The following SLA2 variants were observed in gnomAD, a reference collection of about 807,000 sequenced individuals.
SLA2 encodes src-like-adapter 2.
SLA2 carries 22 observed loss-of-function variants against 27.3 expected under a neutral mutation model. The observed-to-expected ratio is 0.81, with a 90% CI of 0.58 to 1.15. The LOEUF (loss-of-function observed/expected upper bound fraction) is 1.15. Ranked by LOEUF, SLA2 falls within the 50% of genes most tolerant of loss-of-function variation. The pLI is 0.00. For missense variants in SLA2, 304 were observed against 322.2 expected (o/e 0.94, Z 0.43); for synonymous variants, 131 against 137.8 (o/e 0.95, Z 0.34).
At chr20:36,635,342 C>T (rs1313893942) in intron 2 of SLA2, among the ~76,000 whole-genome samples, 1 of 150,312 alleles carries the variant, frequency 6.7e-6, no homozygotes, top group African/African-American at 2.5e-5. Context: ...CAGCCAGGGT[C>T]AGCAAGAAGG....
At chr20:36,614,280 T>C (rs776524499) in intron 7 of SLA2, 25 bp downstream of exon 7, 2 of 1,614,120 alleles carry the variant, frequency 1.2e-6, no homozygotes, top group South Asian at 1.1e-5. Flanking sequence ...CCTGCTTTCA[T>C]GTTTCCAGGA....
At chr20:36,639,923 A>G (rs2039490450) in intron 2 of SLA2, among the ~76,000 whole-genome samples, 1 of 152,174 alleles carries the variant, frequency 6.6e-6, no homozygotes, top group Non-Finnish European at 1.5e-5. Flanking sequence ...ACTGTCCAAG[A>G]AACTGGGAGT....
chr20:36,617,970 AC>A (rs777821658), intron 5 of SLA2, among the ~76,000 whole-genome samples: 3 of 149,772 alleles, frequency 2.0e-5, no homozygotes, highest in Non-Finnish European at 3.0e-5. Flanking sequence ...ACACGGTGAA[AC>A]CCTGGCTCTA....
Position 36,613,649 on chromosome 20 carries a change from A to G in SLA2, c.*217T>C, listed in dbSNP as rs1419529115. On this transcript the variant is annotated 3_prime_UTR_variant, in exon 8 of 8. Coordinates refer to ENST00000262866, the MANE Select transcript of SLA2 (RefSeq NM_032214.4). ...CTGGTCCCACCTTCTCTGCACTCGC[A>G]CTAGAGGTCGCAGGTGGGATCATGG... 2 of 514,710 alleles carry G rather than the reference A, an allele frequency of 3.9e-6. No individual in the cohort carries two copies. The highest frequency in any genetic ancestry group is 6.8e-5 in the East Asian group (2 of 29,308). 31.9% of individuals were successfully genotyped at this position (514,710 alleles called of 1,614,324 possible). A position where few individuals can be genotyped will look rare whatever the true frequency, so the allele number is the denominator to read the frequency against.
chr20:36,615,683 C>T (rs2039201876), intron 5 of SLA2, among the ~76,000 whole-genome samples: 1 of 152,124 alleles, frequency 6.6e-6, no homozygotes, highest in Non-Finnish European at 1.5e-5. Flanking sequence ...GATGCAAAAA[C>T]ACTGTCAAGA....
chr20:36,639,927 T>TG (rs771631593), intron 2 of SLA2, among the ~76,000 whole-genome samples: 3 of 151,924 alleles, frequency 2.0e-5, no homozygotes, highest in Non-Finnish European at 4.4e-5. Context: ...TCCAAGAAAC[T>TG]GGGAGTTTTA....
intron 6 of SLA2, chr20:36,614,670 G>A (rs1193276738): frequency 1.0e-6 from 1 of 985,314 alleles, no homozygotes; most frequent in Admixed American, 6.2e-5. Context: ...TGGACCTCTT[G>A]AGCTCAAGTT....
At chr20:36,627,662 C>T (rs148580715) in intron 5 of SLA2, among the ~76,000 whole-genome samples, 2 of 152,228 alleles carry the variant, frequency 1.3e-5, no homozygotes, top group African/African-American at 2.4e-5. Context: ...TGTCCCTAAC[C>T]CTGTGCTGAC....
intron 5 of SLA2, among the ~76,000 whole-genome samples, chr20:36,630,216 TC>T (rs1218052020): frequency 8.5e-5 from 13 of 152,112 alleles, no homozygotes; most frequent in African/African-American, 2.4e-4. Flanking sequence ...TGGGCTGGCC[TC>T]CCCAGCCCCT....
At position 36,615,229 on chromosome 20, in the gene SLA2, GT is replaced by G; in HGVS notation, c.527del (p.Tyr176SerfsTer33). The G allele has an allele frequency of 6.2e-7, 1 of 1,614,134 alleles. No homozygotes were observed. Among genetic ancestry groups the G allele is most frequent in the Non-Finnish European group, 8.5e-7 (1 of 1,180,034 alleles). On this transcript the variant is annotated frameshift_variant, in exon 6 of 8. Coordinates refer to ENST00000262866, the MANE Select transcript of SLA2 (RefSeq NM_032214.4). LOFTEE classifies it high-confidence loss of function. ...FPSLQALVDH[Y>X]SELADDICCL... The stretch of plus-strand genomic sequence containing the variant: ...GGAGGCAGGGAAAGGCCATACCAGA[GT>G]AATGGTCCACCAGGGCCTGGAGTGA...
chr20:36,645,042 T>G, intron 1 of SLA2, among the ~76,000 whole-genome samples: 1 of 151,190 alleles, frequency 6.6e-6, no homozygotes. Context: ...GCAGTGGGGG[T>G]AAGAGTGATG....
chr20:36,622,607 T>TC (rs1447506479), intron 5 of SLA2, among the ~76,000 whole-genome samples: 1 of 152,130 alleles, frequency 6.6e-6, no homozygotes, highest in African/African-American at 2.4e-5. Context: ...AATCAAGGTG[T>TC]CAGCAAGGCA....
chr20:36,612,408 A>AGTT lies in SLA2; in HGVS notation c.*1455_*1457dup, dbSNP rs2039147240. The AGTT allele has an allele frequency of 1.6e-6, 1 of 641,794 alleles. No individual in the cohort carries two copies. Among genetic ancestry groups the AGTT allele is most frequent in the African/African-American group, 1.8e-5 (1 of 54,360 alleles). 39.8% of individuals were successfully genotyped at this position (641,794 alleles called of 1,614,324 possible). A position where few individuals can be genotyped will look rare whatever the true frequency, so the allele number is the denominator to read the frequency against. ...TTCCTCGATTCTCCATCGGGTGTAGAGTTTTTAAACTATCAATGGCATTTC... is the reference window on the plus strand; with the variant it reads ...TTCCTCGATTCTCCATCGGGTGTAGAGTTGTTTTTAAACTATCAATGGCATTTC... On this transcript the variant is annotated 3_prime_UTR_variant, in exon 8 of 8. Transcript: ENST00000262866.
At position 36,621,241 on chromosome 20, in the gene SLA2, G is replaced by C. The variant is rs2039279120; in HGVS notation, c.383-5867C>G. 66 of 547,932 alleles carry C rather than the reference G, an allele frequency of 1.2e-4. 1 individual carries two copies. Among genetic ancestry groups the C allele is most frequent in the South Asian group, 9.7e-4 (66 of 68,298 alleles). 33.9% of individuals were successfully genotyped at this position (547,932 alleles called of 1,614,324 possible). ...TGGTTACAATGAAGGAGGAAATTTT[G>C]GCGCTGGTAACTATGCTGGTGATGG... On this transcript the variant is annotated intron_variant, in intron 5 of 7. Coordinates refer to ENST00000262866, the MANE Select transcript of SLA2 (RefSeq NM_032214.4).
In SLA2 at chr20:36,615,260, A is replaced by T. The variant is rs1265358865; in HGVS notation, c.497T>A (p.Phe166Tyr). The T allele has an allele frequency of 6.2e-7, 1 of 1,614,092 alleles. No individual in the cohort carries two copies. The highest frequency in any genetic ancestry group is 8.5e-7 in the Non-Finnish European group (1 of 1,180,016). ...GWLYISPRLT[F>Y]PSLQALVDHY... is the part of the protein sequence containing the mutation. ...GTCCACCAGGGCCTGGAGTGAGGGG[A>T]AGGTGAGGCGCGGTGAGATGTACAG... The change falls in exon 6 of 8, where the codon TTC becomes TAC. Residue 166 changes from phenylalanine to tyrosine, a missense_variant. Physicochemically the swap from Phe to Tyr is conservative, Grantham distance 22. Transcript: ENST00000262866.
chr20:36,626,978 G>A (rs1487434106), intron 5 of SLA2, among the ~76,000 whole-genome samples: 1 of 152,178 alleles, frequency 6.6e-6, no homozygotes, highest in East Asian at 1.9e-4. Context: ...GTAGGTGATA[G>A]TCTGGGAAGG....
chr20:36,614,463 C>T, intron 6 of SLA2, 26 bp from the exon 7 acceptor site: 1 of 1,580,738 alleles, frequency 6.3e-7, no homozygotes. Flanking sequence ...CCATCCCTGA[C>T]ATGACTGACT....
Position 36,626,184 on chromosome 20 carries a change from G to A in SLA2, c.382+6411C>T, listed in dbSNP as rs112691839. Among the ~76,000 whole-genome samples the A allele has an allele frequency of 4.5e-3, 685 of 152,216 alleles. 5 individuals carry two copies. The highest frequency in any genetic ancestry group is 0.016 in the African/African-American group (660 of 41,534). Reference sequence around the variant, plus strand: ...CAAGGTGGGTAGATCACAAGGTCAAGAGATCAAGACCATCCTGGCCAACAT... The same window carrying A: ...CAAGGTGGGTAGATCACAAGGTCAAAAGATCAAGACCATCCTGGCCAACAT... On this transcript the variant is annotated intron_variant, in intron 5 of 7. Coordinates refer to ENST00000262866, the MANE Select transcript of SLA2 (RefSeq NM_032214.4).
chr20:36,616,789 G>T (rs898672702), intron 5 of SLA2, among the ~76,000 whole-genome samples: 1 of 152,162 alleles, frequency 6.6e-6, no homozygotes. Context: ...GGCCATATAA[G>T]CACATTTAAA....
Sources: gnomAD v4.1 joint callset for allele counts (sites outside exome capture counted in the v4.1 genomes callset) on GRCh38, gnomAD v4.1.1 for gene constraint, MANE v1.5 for transcripts, NCBI Gene and HGNC (gene_info 2026-07-23, HGNC 2026-07-21) for gene names.